The following NCKAP5 variants were observed in gnomAD, a reference collection of about 807,000 sequenced individuals.
NCKAP5 encodes NCK associated protein 5.
Under a neutral mutation model 167.0 loss-of-function variants are expected in NCKAP5, and 92 were observed. The ratio of observed to expected loss-of-function variants is 0.55; its 90% CI spans 0.47 to 0.66. NCKAP5 has a LOEUF of 0.66. NCKAP5 is among the 30% of genes least tolerant of loss of function. The pLI is 0.00. For synonymous variants in NCKAP5, 891 were observed against 877.4 expected (o/e 1.02, Z -0.27); for missense variants, 2,378 against 2,315.0 (o/e 1.03, Z -0.56).
intron 4 of NCKAP5, among the ~76,000 whole-genome samples, chr2:133,294,477 A>G (rs1304622097): frequency 6.6e-6 from 1 of 152,200 alleles, no homozygotes; most frequent in African/African-American, 2.4e-5. Flanking sequence ...CAACTACAAG[A>G]TAATTTCTAG....
At chr2:133,249,901 T>C (rs897525196) in intron 4 of NCKAP5, among the ~76,000 whole-genome samples, 2 of 150,952 alleles carry the variant, frequency 1.3e-5, no homozygotes, top group East Asian at 1.9e-4. Flanking sequence ...GAGAAAGGAC[T>C]CAAGGCAGCC....
chr2:133,356,119 GT>G (rs1332419647), intron 3 of NCKAP5, among the ~76,000 whole-genome samples: 1 of 152,028 alleles, frequency 6.6e-6, no homozygotes, highest in Non-Finnish European at 1.5e-5. Flanking sequence ...TAGAGATGGG[GT>G]TTTGCCATGT....
At chr2:133,070,379 A>G (rs1430721101) in intron 6 of NCKAP5, among the ~76,000 whole-genome samples, 1 of 152,164 alleles carries the variant, frequency 6.6e-6, no homozygotes, top group African/African-American at 2.4e-5. Context: ...AAATTTTCAC[A>G]TAGCTTTGGT....
chr2:133,574,345 A>G, the NCKAP5 span, among the ~76,000 whole-genome samples: 10 of 152,312 alleles, frequency 6.6e-5, no homozygotes, highest in Admixed American at 6.5e-4. Flanking sequence ...GATAACATGC[A>G]AAGATGCCCC....
At chr2:132,878,783 G>A in intron 9 of NCKAP5, 65 bp downstream of exon 9, 1 of 1,184,956 alleles carries the variant, frequency 8.4e-7, no homozygotes, top group Non-Finnish European at 1.3e-6. Flanking sequence ...CACACATTTT[G>A]AGATCAGATT....
rs555764631 is a variant in NCKAP5, at chr2:133,145,936, C to T, written c.208-15825G>A. On this transcript the variant is annotated intron_variant, in intron 5 of 19. Coordinates refer to ENST00000409261, the MANE Select transcript of NCKAP5 (RefSeq NM_207363.3). ...TTACAGCTGAATCATTCCACTGTAA[C>T]AAGACTTTATTAAATTAGACAGCCA... is the stretch of plus-strand genomic sequence containing the variant. Among the ~76,000 whole-genome samples the T allele has an allele frequency of 3.9e-5, 6 of 152,042 alleles. No individual in the cohort carries two copies. The South Asian group carries it at 1.2e-3, about 32-fold the overall frequency.
At chr2:133,008,087 A>C (rs1573720460) in intron 6 of NCKAP5, among the ~76,000 whole-genome samples, 1 of 152,282 alleles carries the variant, frequency 6.6e-6, no homozygotes, top group Admixed American at 6.5e-5. Flanking sequence ...CTGGCAGCCC[A>C]GCCTCGCTAA....
intron 4 of NCKAP5, among the ~76,000 whole-genome samples, chr2:133,219,730 T>C (rs2086580251): frequency 6.6e-6 from 1 of 152,194 alleles, no homozygotes; most frequent in Non-Finnish European, 1.5e-5. Flanking sequence ...ATTTGTATTT[T>C]ATTTTTGCAT....
intron 3 of NCKAP5, among the ~76,000 whole-genome samples, chr2:133,496,030 A>G (rs1681916350): frequency 6.6e-6 from 1 of 152,200 alleles, no homozygotes; most frequent in African/African-American, 2.4e-5. Flanking sequence ...AGTCAAATGT[A>G]TCTAATTAAA....
intron 5 of NCKAP5, among the ~76,000 whole-genome samples, chr2:133,168,495 A>AT (rs759169001): frequency 6.6e-6 from 1 of 152,078 alleles, no homozygotes; most frequent in Non-Finnish European, 1.5e-5. Context: ...GAAGAGATCT[A>AT]TTACAGTGTG....
chr2:133,339,636 T>C (rs1393373432), intron 3 of NCKAP5, among the ~76,000 whole-genome samples: 1 of 152,074 alleles, frequency 6.6e-6, no homozygotes, highest in African/African-American at 2.4e-5. Context: ...TTGATACCAA[T>C]GGGGAAAAAA....
chr2:132,906,849 G>T (rs1312407898), intron 8 of NCKAP5, among the ~76,000 whole-genome samples: 3 of 152,194 alleles, frequency 2.0e-5, no homozygotes, highest in Non-Finnish European at 4.4e-5. Context: ...ATGGACCTCA[G>T]GAGTTTGGGG....
the NCKAP5 span, among the ~76,000 whole-genome samples, chr2:133,627,834 G>A: frequency 6.6e-6 from 1 of 152,252 alleles, no homozygotes; most frequent in South Asian, 2.1e-4. Flanking sequence ...CCTGTCTACA[G>A]GCCCCTTCTC....
At chr2:132,891,869 T>G (rs1342493677) in intron 8 of NCKAP5, among the ~76,000 whole-genome samples, 1 of 152,224 alleles carries the variant, frequency 6.6e-6, no homozygotes, top group African/African-American at 2.4e-5. Flanking sequence ...GGCGTGCTTT[T>G]CAAATTTCCT....
At chr2:132,812,078 C>T (rs939415929) in intron 11 of NCKAP5, among the ~76,000 whole-genome samples, 1 of 152,204 alleles carries the variant, frequency 6.6e-6, no homozygotes, top group African/African-American at 2.4e-5. Context: ...AGAGGAAGGT[C>T]TCCCTTTCCC....
chr2:133,557,272 A>G (rs1468840249), intron 2 of NCKAP5, among the ~76,000 whole-genome samples: 3 of 152,184 alleles, frequency 2.0e-5, no homozygotes, highest in Non-Finnish European at 4.4e-5. Flanking sequence ...CTTGGTTGGT[A>G]CACAGTTTGC....
chr2:132,794,952 C>G (rs1217362119), intron 12 of NCKAP5, among the ~76,000 whole-genome samples: 2 of 152,084 alleles, frequency 1.3e-5, no homozygotes, highest in Non-Finnish European at 2.9e-5. Context: ...CAGCATGGTA[C>G]CACATATTAA....
intron 4 of NCKAP5, among the ~76,000 whole-genome samples, chr2:133,273,270 C>T (rs895905907): frequency 2.6e-5 from 4 of 152,070 alleles, no homozygotes; most frequent in Admixed American, 6.5e-5. Flanking sequence ...GAATTTTATT[C>T]GCATTTTCCT....
chr2:132,746,659 T>C (rs1360726547), intron 16 of NCKAP5, among the ~76,000 whole-genome samples: 1 of 152,158 alleles, frequency 6.6e-6, no homozygotes, highest in Non-Finnish European at 1.5e-5. Context: ...CCCCAAAGAC[T>C]TATACACAAA....
Sources: gnomAD v4.1 joint callset for allele counts (sites outside exome capture counted in the v4.1 genomes callset) on GRCh38, gnomAD v4.1.1 for gene constraint, MANE v1.5 for transcripts, NCBI Gene and HGNC (gene_info 2026-07-23, HGNC 2026-07-21) for gene names.